UGT2A1: variants seen among roughly 807,000 people sequenced by gnomAD.
The protein encoded by UGT2A1 is UDP-glucuronosyltransferase 2A1.
Under a neutral mutation model 45.4 loss-of-function variants are expected in UGT2A1, and 61 were observed. The observed-to-expected ratio is 1.34, with a 90% CI of 1.09 to 1.66. The LOEUF (loss-of-function observed/expected upper bound fraction) is 1.66, where lower values mean the gene tolerates loss of function less well. Ranked by LOEUF, UGT2A1 falls within the 40% of genes most tolerant of loss-of-function variation. The pLI is 0.00. For missense variants in UGT2A1, 649 were observed against 574.3 expected, an observed-to-expected ratio of 1.13 and a Z score of -1.33; for synonymous variants, 229 against 196.2, an observed-to-expected ratio of 1.17 and a Z score of -1.40.
At chr4:69,646,636 G>A (rs1373893602) in intron 2 of UGT2A1, among the ~76,000 whole-genome samples, 3 of 151,614 alleles carry the variant, frequency 2.0e-5, no homozygotes, top group Non-Finnish European at 3.0e-5. Flanking sequence ...TTTCTATTTT[G>A]AGCATAATTA....
At chr4:69,648,444 A>C (rs1722380222) in intron 1 of UGT2A1, among the ~76,000 whole-genome samples, 1 of 151,942 alleles carries the variant, frequency 6.6e-6, no homozygotes, top group Non-Finnish European at 1.5e-5. Context: ...TTCAAAAACT[A>C]TCTAGCCTGC....
At chr4:69,632,614 G>A (rs1721448231) in intron 3 of UGT2A1, among the ~76,000 whole-genome samples, 2 of 152,106 alleles carry the variant, frequency 1.3e-5, no homozygotes, top group South Asian at 4.2e-4. Flanking sequence ...AACTGGCCAG[G>A]CACAATGACT....
intron 4 of UGT2A1, among the ~76,000 whole-genome samples, chr4:69,598,973 TTTCTG>T (rs1416923355): frequency 1.3e-5 from 2 of 152,178 alleles, no homozygotes; most frequent in African/African-American, 4.8e-5. Flanking sequence ...ATGATCTGGT[TTTCTG>T]TCCCACCAAG....
In UGT2A1 at chr4:69,648,552, C is replaced by T. The variant is rs980811402; in HGVS notation, c.-54-854G>A. ...CAGACATTACGCAAACTCTTTAACA[C>T]GTTAATTTCATTTCTTCCTTATTTT... is the stretch of plus-strand genomic sequence containing the variant. On this transcript the variant is annotated intron_variant, in intron 1 of 6. Transcript: ENST00000286604. Among the ~76,000 whole-genome samples, 6 of 151,876 alleles carry T rather than the reference C, an allele frequency of 4.0e-5. No individual in the cohort carries two copies. In the South Asian group the frequency reaches 6.2e-4, roughly 16 times the overall value.
intron 4 of UGT2A1, among the ~76,000 whole-genome samples, chr4:69,598,823 CCTCTTA>C (rs1294240475): frequency 6.6e-6 from 1 of 152,018 alleles, no homozygotes; most frequent in African/African-American, 2.4e-5. Context: ...TCAATAATGA[CCTCTTA>C]CTCACCAAGT....
intron 4 of UGT2A1, 112 bp from the exon 5 acceptor site, chr4:69,595,361 T>C: frequency 1.6e-6 from 2 of 1,252,668 alleles, no homozygotes; most frequent in Non-Finnish European, 2.2e-6. Flanking sequence ...GGGAATTACA[T>C]AAGCAGTAGT....
chr4:69,643,731 A>C (rs188072938), intron 2 of UGT2A1, among the ~76,000 whole-genome samples: 23 of 151,778 alleles, frequency 1.5e-4, no homozygotes, highest in African/African-American at 5.3e-4. Context: ...CACTGCAGAG[A>C]AGTAAACTTA....
chr4:69,639,508 T>C lies in UGT2A1; in HGVS notation c.716-3686A>G, dbSNP rs775401289. 5 of 1,613,446 alleles carry C rather than the reference T, an allele frequency of 3.1e-6. No individual in the cohort carries two copies. The South Asian group carries it at 5.5e-5, about 18-fold the overall frequency. On this transcript the variant is annotated intron_variant, in intron 2 of 6. Coordinates refer to ENST00000286604, the MANE Select transcript of UGT2A1 (RefSeq NM_001252275.3). ...ATCAACTCTTCTAGAATAATCTTAATATTTAACCAATGGCTACCATCTGTA... is the reference window on the plus strand; with the variant it reads ...ATCAACTCTTCTAGAATAATCTTAACATTTAACCAATGGCTACCATCTGTA...
chr4:69,588,862 A>G lies in UGT2A1; in HGVS notation c.*510T>C, dbSNP rs1718409687. The G allele has an allele frequency of 6.6e-6, 1 of 152,184 alleles. No homozygotes were observed. Among genetic ancestry groups the G allele is most frequent in the Non-Finnish European group, 1.5e-5 (1 of 68,104 alleles). The allele number at this position is 152,184 out of a possible 1,614,324, so 9.4% of individuals were successfully genotyped here. A position where few individuals can be genotyped will look rare whatever the true frequency, so the allele number is the denominator to read the frequency against. On this transcript the variant is annotated 3_prime_UTR_variant, in exon 7 of 7. Transcript: ENST00000286604. Reference sequence around the variant, plus strand: ...CTAACTCCTGAAACATTGAGCAAGCAGAAGAGTTTGTTTTTATTAAAAAAG... The same window carrying G: ...CTAACTCCTGAAACATTGAGCAAGCGGAAGAGTTTGTTTTTATTAAAAAAG...
intron 4 of UGT2A1, among the ~76,000 whole-genome samples, 195 bp downstream of exon 4, chr4:69,599,051 C>G (rs931163749): frequency 2.0e-5 from 3 of 152,086 alleles, no homozygotes; most frequent in African/African-American, 7.2e-5. Context: ...TTTTATTCTT[C>G]AGTTTAAATT....
At chr4:69,626,867 T>G (rs1721089749) in intron 3 of UGT2A1, among the ~76,000 whole-genome samples, 1 of 151,954 alleles carries the variant, frequency 6.6e-6, no homozygotes, top group South Asian at 2.1e-4. Context: ...GGAACCTTCT[T>G]CACAGTAGTT....
Position 69,639,551 on chromosome 4 carries a change from C to T in UGT2A1, c.716-3729G>A, listed in dbSNP as rs114994980. ...CATCTGTAGGCCAAATTAACACATTCCCACTTAGAACAACTTCAGTCAGAG... is the reference window on the plus strand; with the variant it reads ...CATCTGTAGGCCAAATTAACACATTTCCACTTAGAACAACTTCAGTCAGAG... On this transcript the variant is annotated intron_variant, in intron 2 of 6. Transcript: ENST00000286604. 1,988 of 1,612,882 alleles carry T rather than the reference C, an allele frequency of 1.2e-3. 32 individuals carry two copies. The African/African-American group carries it at 0.023, about 19-fold the overall frequency.
intron 3 of UGT2A1, among the ~76,000 whole-genome samples, chr4:69,614,553 A>G (rs921939305): frequency 2.0e-5 from 3 of 152,076 alleles, no homozygotes; most frequent in Admixed American, 2.0e-4. Context: ...GAGGAACTAC[A>G]TTACTTGACT....
At chr4:69,625,700 T>G (rs1721016393) in intron 3 of UGT2A1, among the ~76,000 whole-genome samples, 1 of 151,470 alleles carries the variant, frequency 6.6e-6, no homozygotes, top group African/African-American at 2.4e-5. Context: ...ACTATAGCAC[T>G]TATGTAAATT....
intron 2 of UGT2A1, among the ~76,000 whole-genome samples, chr4:69,637,938 G>C (rs904236721): frequency 7.3e-6 from 1 of 136,406 alleles, no homozygotes; most frequent in Non-Finnish European, 1.5e-5. Flanking sequence ...CAGGAAGGAA[G>C]GAAGGAAAGA....
intron 3 of UGT2A1, among the ~76,000 whole-genome samples, chr4:69,630,665 T>C (rs1208314778): frequency 6.6e-6 from 1 of 152,080 alleles, no homozygotes; most frequent in Non-Finnish European, 1.5e-5. Flanking sequence ...TTCAACAAAC[T>C]GGTCACAAAA....
intron 3 of UGT2A1, among the ~76,000 whole-genome samples, chr4:69,603,854 AG>A (rs1429284337): frequency 1.5e-5 from 2 of 136,466 alleles, no homozygotes; most frequent in East Asian, 4.1e-4. Flanking sequence ...AAGCGAGAAG[AG>A]AAGTTTAGAG....
chr4:69,639,612 G>A (rs778399316), intron 2 of UGT2A1: 1 of 1,598,846 alleles, frequency 6.3e-7, no homozygotes, highest in Non-Finnish European at 8.5e-7. Flanking sequence ...AAACTTCTTA[G>A]GCATGGTAAA....
intron 2 of UGT2A1, chr4:69,638,843 C>T: frequency 6.8e-7 from 1 of 1,465,736 alleles, no homozygotes; most frequent in Middle Eastern, 2.4e-4. Flanking sequence ...TGCCATATGA[C>T]AATAAGAATA....
Sources: gnomAD v4.1 joint callset for allele counts (sites outside exome capture counted in the v4.1 genomes callset) on GRCh38, gnomAD v4.1.1 for gene constraint, MANE v1.5 for transcripts, NCBI Gene and HGNC (gene_info 2026-07-23, HGNC 2026-07-21) for gene names.